NKAIN2: variants seen among roughly 807,000 people sequenced by gnomAD.
The protein encoded by NKAIN2 is sodium/potassium-transporting ATPase subunit beta-1-interacting protein 2.
Under a neutral mutation model 32.6 loss-of-function variants are expected in NKAIN2, and 14 were observed. The ratio of observed to expected loss-of-function variants is 0.43; its 90% CI spans 0.28 to 0.67. NKAIN2 has a LOEUF of 0.67. Ranked by LOEUF, NKAIN2 falls within the 30% of genes least tolerant of loss-of-function variation. The probability of loss-of-function intolerance (pLI) is 0.17; values close to 1 mark genes in which losing one functional copy is unlikely to be tolerated. For missense variants in NKAIN2, 198 were observed against 258.3 expected, an observed-to-expected ratio of 0.77 and a Z score of 1.60; for synonymous variants, 80 against 87.2, an observed-to-expected ratio of 0.92 and a Z score of 0.46.
intron 1 of NKAIN2, among the ~76,000 whole-genome samples, chr6:123,840,921 A>G (rs2114934471): frequency 6.6e-6 from 1 of 152,284 alleles, no homozygotes; most frequent in African/African-American, 2.4e-5. Context: ...CTTTCTGTAA[A>G]AGGAAAACAA....
At chr6:124,160,484 G>T (rs571674755) in intron 1 of NKAIN2, among the ~76,000 whole-genome samples, 1 of 152,096 alleles carries the variant, frequency 6.6e-6, no homozygotes, top group East Asian at 1.9e-4. Context: ...TGTATATATA[G>T]ATGTATATGA....
chr6:124,392,035 T>G (rs1475459894), intron 3 of NKAIN2, among the ~76,000 whole-genome samples: 1 of 152,186 alleles, frequency 6.6e-6, no homozygotes, highest in East Asian at 1.9e-4. Flanking sequence ...CTATGCTTCT[T>G]TATACAGGCA....
chr6:124,210,496 T>G (rs1247512265), intron 1 of NKAIN2, among the ~76,000 whole-genome samples: 3 of 151,846 alleles, frequency 2.0e-5, no homozygotes, highest in African/African-American at 7.2e-5. Flanking sequence ...GGGACTGCAC[T>G]GAATTGTAGA....
chr6:123,884,455 T>C (rs9490986), intron 1 of NKAIN2, among the ~76,000 whole-genome samples: 4,001 of 152,202 alleles, frequency 0.026, 188 homozygotes, highest in African/African-American at 0.092. Flanking sequence ...AAGTAGTAAC[T>C]GAAAGATTTT....
intron 2 of NKAIN2, among the ~76,000 whole-genome samples, chr6:124,342,818 TTATTA>T (rs1373192798): frequency 1.8e-3 from 19 of 10,520 alleles, no homozygotes; most frequent in East Asian, 6.6e-3. Flanking sequence ...AGATGTTTTA[TTATTA>T]TTATTATTAT....
intron 1 of NKAIN2, among the ~76,000 whole-genome samples, chr6:123,824,728 AT>A (rs1284439125): frequency 7.1e-6 from 1 of 140,278 alleles, no homozygotes; most frequent in Admixed American, 6.7e-5. Flanking sequence ...AGAACTTAAA[AT>A]TAAAAAAAAA....
intron 4 of NKAIN2, among the ~76,000 whole-genome samples, chr6:124,662,643 G>T (rs1333875485): frequency 6.6e-6 from 1 of 152,202 alleles, no homozygotes; most frequent in African/African-American, 2.4e-5. Context: ...CCATTTGTCT[G>T]GCTAAGACTT....
At chr6:124,316,779 C>A (rs1182213957) in intron 2 of NKAIN2, among the ~76,000 whole-genome samples, 1 of 152,106 alleles carries the variant, frequency 6.6e-6, no homozygotes, top group African/African-American at 2.4e-5. Context: ...TTCTACTCAG[C>A]ACCTTCTGGA....
intron 2 of NKAIN2, among the ~76,000 whole-genome samples, chr6:124,315,575 T>C (rs572485146): frequency 6.6e-6 from 1 of 152,138 alleles, no homozygotes; most frequent in Non-Finnish European, 1.5e-5. Context: ...ATTGAAGACA[T>C]GACTTAAATT....
chr6:124,456,324 C>T (rs74339839), intron 3 of NKAIN2, among the ~76,000 whole-genome samples: 79 of 151,180 alleles, frequency 5.2e-4, no homozygotes, highest in African/African-American at 1.7e-3. Flanking sequence ...AAAAAAAAAA[C>T]GACATACCTA....
chr6:124,559,411 G>A (rs953164846), intron 3 of NKAIN2, among the ~76,000 whole-genome samples: 7 of 152,160 alleles, frequency 4.6e-5, no homozygotes, highest in African/African-American at 1.7e-4. Flanking sequence ...TGACTCATTT[G>A]TCATGGATCA....
intron 3 of NKAIN2, 48 bp from the exon 4 acceptor site, chr6:124,658,138 C>T (rs1470975488): frequency 3.5e-6 from 5 of 1,430,920 alleles, no homozygotes; most frequent in Non-Finnish European, 4.8e-6. Flanking sequence ...AGTAAGCTGA[C>T]TAACATTTAT....
chr6:124,194,961 A>C (rs149113862), intron 1 of NKAIN2, among the ~76,000 whole-genome samples: 2,114 of 150,760 alleles, frequency 0.014, 51 homozygotes, highest in African/African-American at 0.049. Flanking sequence ...TTAAATGAAG[A>C]GGTGAAAGTT....
chr6:124,557,890 T>C (rs920628305), intron 3 of NKAIN2, among the ~76,000 whole-genome samples: 2 of 152,242 alleles, frequency 1.3e-5, no homozygotes, highest in African/African-American at 4.8e-5. Flanking sequence ...CTCATTCAGA[T>C]GAAAAATAAA....
chr6:123,909,440 A>T (rs570313415), intron 1 of NKAIN2, among the ~76,000 whole-genome samples: 1 of 152,268 alleles, frequency 6.6e-6, no homozygotes, highest in African/African-American at 2.4e-5. Context: ...ACAAGGCTCT[A>T]CACCATCAGT....
intron 1 of NKAIN2, among the ~76,000 whole-genome samples, chr6:124,007,626 T>C (rs1780130058): frequency 6.6e-6 from 1 of 152,094 alleles, no homozygotes; most frequent in Non-Finnish European, 1.5e-5. Flanking sequence ...GTCAAAGTCA[T>C]TGTTGAAGTA....
chr6:123,890,051 T>C (rs1276759008), intron 1 of NKAIN2, among the ~76,000 whole-genome samples: 1 of 152,024 alleles, frequency 6.6e-6, no homozygotes, highest in African/African-American at 2.4e-5. Context: ...CATTTTCTTA[T>C]TCATATTTGA....
At chr6:124,054,500 T>C (rs990178566) in intron 1 of NKAIN2, among the ~76,000 whole-genome samples, 1 of 152,072 alleles carries the variant, frequency 6.6e-6, no homozygotes, top group Non-Finnish European at 1.5e-5. Context: ...ATTCCTGGAA[T>C]CTTCTTGGAC....
intron 1 of NKAIN2, among the ~76,000 whole-genome samples, chr6:124,058,775 T>C (rs1782785417): frequency 6.6e-6 from 1 of 152,090 alleles, no homozygotes; most frequent in South Asian, 2.1e-4. Flanking sequence ...TGAAAGTCTA[T>C]TTTAGTATTC....
Sources: allele counts gnomAD v4.1 joint callset (sites outside exome capture counted in the v4.1 genomes callset), GRCh38; gene constraint gnomAD v4.1.1; transcripts MANE v1.5; gene names NCBI Gene and HGNC (gene_info 2026-07-23, HGNC 2026-07-21).